Variants in ALG12 observed in about 807,000 individuals in gnomAD.
ALG12 encodes ALG12 alpha-1,6-mannosyltransferase, also known as dol-P-Man:Man(7)GlcNAc(2)-PP-Dol alpha-1,6-mannosyltransferase.
ALG12 carries 36 observed loss-of-function variants against 46.0 expected under a neutral mutation model. The observed-to-expected ratio is 0.78, with a 90% confidence interval of 0.60 to 1.03. The LOEUF (loss-of-function observed/expected upper bound fraction) is 1.03. ALG12 is among the 50% of genes least tolerant of loss of function. The pLI, the probability that ALG12 is intolerant of heterozygous loss-of-function variation, is 0.00. For synonymous variants in ALG12, 326 were observed against 291.6 expected (o/e 1.12, Z -1.20); for missense variants, 599 against 633.5 (o/e 0.95, Z 0.58).
At chr22:49,882,013 T>C in the ALG12 span, among the ~76,000 whole-genome samples, 1 of 152,224 alleles carries the variant, frequency 6.6e-6, no homozygotes, top group East Asian at 1.9e-4. Context: ...CTTAAGCCTG[T>C]TTCCCCAGCA....
the ALG12 span, among the ~76,000 whole-genome samples, chr22:49,866,724 T>C: frequency 6.6e-6 from 1 of 152,230 alleles, no homozygotes; most frequent in Non-Finnish European, 1.5e-5. Context: ...TTCTGTGAGA[T>C]GTGACAGAAT....
the ALG12 span, among the ~76,000 whole-genome samples, chr22:49,859,525 C>A: frequency 1.3e-5 from 2 of 152,098 alleles, no homozygotes; most frequent in Admixed American, 6.6e-5. Flanking sequence ...CCCAGGCCTG[C>A]GTCAGCTGCT....
the ALG12 span, chr22:49,886,610 G>A: frequency 1.3e-6 from 2 of 1,573,156 alleles, no homozygotes; most frequent in Non-Finnish European, 8.6e-7. The surrounding 1 kb of genome is among the most constrained non-coding windows in gnomAD (Gnocchi z 7.7). Flanking sequence ...ACCATGCTGC[G>A]CTCTCTGAAG....
the ALG12 span, among the ~76,000 whole-genome samples, chr22:49,862,694 T>TC: frequency 3.4e-4 from 3 of 8,712 alleles, no homozygotes; most frequent in East Asian, 0.052. Flanking sequence ...AAGTTTTTCC[T>TC]TTTTTTTTTT....
chr22:49,876,281 A>G, the ALG12 span, among the ~76,000 whole-genome samples: 1 of 152,216 alleles, frequency 6.6e-6, no homozygotes, highest in African/African-American at 2.4e-5. Flanking sequence ...ATAAATGCCC[A>G]TTAGGTCAAC....
In ALG12 at chr22:49,907,954, G is replaced by C. The variant is rs910838469; in HGVS notation, c.769-10C>G. 1.2e-6 allele frequency: 2 copies of C among 1,610,538 alleles called. No individual in the cohort carries two copies. The highest frequency in any genetic ancestry group is 3.3e-5 in the Admixed American group (2 of 60,008). ...ACAGCAGCGGGGAGGTCTGCGGGCTGGGTTAAGGAGGCCACGCACCTGTCC... is the reference window on the plus strand; with the variant it reads ...ACAGCAGCGGGGAGGTCTGCGGGCTCGGTTAAGGAGGCCACGCACCTGTCC... On this transcript the variant is annotated splice_polypyrimidine_tract_variant and intron_variant, in intron 6 of 9. Coordinates refer to ENST00000330817, the MANE Select transcript of ALG12 (RefSeq NM_024105.4).
At chr22:49,914,297 C>T (rs115806794) in intron 1 of ALG12, among the ~76,000 whole-genome samples, 3,005 of 152,260 alleles carry the variant, frequency 0.02, 83 homozygotes, top group African/African-American at 0.064. Context: ...ACAGGGGCCC[C>T]GGGAGGGCAA....
chr22:49,883,869 G>GC, the ALG12 span: 1 of 1,606,730 alleles, frequency 6.2e-7, no homozygotes, highest in Admixed American at 1.7e-5. Flanking sequence ...GCAGCTGCAA[G>GC]CCCCCGGGGA....
At chr22:49,878,267 A>G in the ALG12 span, among the ~76,000 whole-genome samples, 1 of 139,750 alleles carries the variant, frequency 7.2e-6, no homozygotes, top group African/African-American at 2.6e-5. Flanking sequence ...GCACCACTGC[A>G]CTCCAACCTG....
chr22:49,879,943 A>G, the ALG12 span, among the ~76,000 whole-genome samples: 2 of 142,464 alleles, frequency 1.4e-5, no homozygotes, highest in African/African-American at 2.5e-5. Context: ...GCCTGTTTCT[A>G]TTGGTTGGTT....
intron 1 of ALG12, among the ~76,000 whole-genome samples, chr22:49,915,611 CAA>C (rs1209234500): frequency 1.3e-5 from 2 of 152,086 alleles, no homozygotes; most frequent in Non-Finnish European, 2.9e-5. Flanking sequence ...TGGTATCAAA[CAA>C]AGAGAAAGGT....
At chr22:49,917,903 T>G (rs1195535321) in intron 1 of ALG12, among the ~76,000 whole-genome samples, 1 of 91,590 alleles carries the variant, frequency 1.1e-5, no homozygotes, top group African/African-American at 5.5e-5. Context: ...GGACCCCAGA[T>G]CCCCAGCCCC....
intron 3 of ALG12, 94 bp from the exon 4 acceptor site, chr22:49,910,701 G>T: frequency 6.9e-7 from 1 of 1,442,526 alleles, no homozygotes; most frequent in Admixed American, 1.7e-5. Context: ...CTTTCTATAT[G>T]GAGTTTTCTA....
intron 3 of ALG12, among the ~76,000 whole-genome samples, chr22:49,911,626 G>A (rs769981009): frequency 1.1e-4 from 17 of 152,212 alleles, no homozygotes; most frequent in South Asian, 8.3e-4. Flanking sequence ...GTAGAGACAA[G>A]GTTTCCCATG....
chr22:49,871,168 C>T, the ALG12 span, among the ~76,000 whole-genome samples: 1 of 3,702 alleles, frequency 2.7e-4, no homozygotes, highest in African/African-American at 2.5e-3. Context: ...CTCAAGCCTC[C>T]CAAAGTGCTA....
rs374812633 is a variant in ALG12, at chr22:49,904,471, G to A, written c.1028C>T (p.Ala343Val). ...NNYKKSWLYK[A>V]GSLLVIGHLV... ...GTGTCCGATCACAAGCAGAGACCCCGCTTTGTACAGCCAAGACTTTTTATA... is the reference window on the plus strand; with the variant it reads ...GTGTCCGATCACAAGCAGAGACCCCACTTTGTACAGCCAAGACTTTTTATA... The change falls in exon 8 of 10, where the codon GCG (alanine) becomes GTG (valine). Residue 343 changes from alanine (A) to valine (V), a missense_variant. Transcript: ENST00000330817. 3.5e-5 allele frequency: 57 copies of A among 1,614,012 alleles called. No individual in the cohort carries two copies. Among genetic ancestry groups the A allele is most frequent in the South Asian group, 6.6e-5 (6 of 91,084 alleles).
the ALG12 span, among the ~76,000 whole-genome samples, chr22:49,873,674 C>T: frequency 1.4e-5 from 2 of 141,836 alleles, no homozygotes; most frequent in Non-Finnish European, 2.9e-5. Flanking sequence ...AGCAGTAAAG[C>T]GAGGTGCGGT....
chr22:49,915,758 C>G, intron 1 of ALG12, among the ~76,000 whole-genome samples: 1 of 152,216 alleles, frequency 6.6e-6, no homozygotes, highest in Non-Finnish European at 1.5e-5. Context: ...GCCTCAGCAC[C>G]AAGGACAGAG....
At position 49,905,680 on chromosome 22, in the gene ALG12, C is replaced by A. The variant is rs1371383648; in HGVS notation, c.993-1174G>T. ...GGCCAGCCTGGAAGCTGAGCAGACA[C>A]CAGTACCACGCTTCCCGTACAGCCT... On this transcript the variant is annotated intron_variant, in intron 7 of 9. Transcript: ENST00000330817. This position sits in a 1 kb window ranked among gnomAD's most constrained non-coding sequence, Gnocchi z 4.9. Among the ~76,000 whole-genome samples the A allele has an allele frequency of 6.6e-6, 1 of 152,242 alleles. No individual in the cohort carries two copies. The highest frequency in any genetic ancestry group is 2.4e-5 in the African/African-American group (1 of 41,464).
Sources: allele counts gnomAD v4.1 joint callset (sites outside exome capture counted in the v4.1 genomes callset), GRCh38; gene constraint gnomAD v4.1.1; non-coding constraint Gnocchi (gnomAD v3.1); transcripts MANE v1.5; gene names NCBI Gene and HGNC (gene_info 2026-07-23, HGNC 2026-07-21).